The following SNAP29 variants were observed in gnomAD, a reference collection of about 807,000 sequenced individuals.
SNAP29 encodes synaptosomal-associated protein 29.
A neutral mutation model predicts 27.9 loss-of-function variants in SNAP29; 13 were observed. The ratio of observed to expected loss-of-function variants is 0.47; its 90% CI spans 0.30 to 0.74. The LOEUF is 0.74. SNAP29 is among the 30% of genes least tolerant of loss of function. SNAP29 has a pLI of 0.06. For missense variants in SNAP29, 368 were observed against 336.5 expected (o/e 1.09, Z -0.73); for synonymous variants, 119 against 127.1 (o/e 0.94, Z 0.43).
Position 20,887,873 on chromosome 22 carries a change from T to C in SNAP29, c.*37T>C. 6.3e-7 allele frequency: 1 copy of C among 1,599,944 alleles called. No individual in the cohort carries two copies. Among genetic ancestry groups the C allele is most frequent in the Non-Finnish European group, 8.6e-7 (1 of 1,167,610 alleles). ...TTTCCACTCTATTGTGATGAAAAGA[T>C]TTGAAAGATCTTTTTTTGAACTTCC... On this transcript the variant is annotated 3_prime_UTR_variant, in exon 5 of 5. Coordinates refer to ENST00000215730, the MANE Select transcript of SNAP29 (RefSeq NM_004782.4).
At chr22:20,869,935 T>C (rs1928547515) in intron 1 of SNAP29, among the ~76,000 whole-genome samples, 1 of 152,112 alleles carries the variant, frequency 6.6e-6, no homozygotes, top group African/African-American at 2.4e-5. Flanking sequence ...AACACCTGGC[T>C]ACTTTTTGTA....
intron 1 of SNAP29, among the ~76,000 whole-genome samples, chr22:20,869,378 A>G (rs1340640692): frequency 2.0e-5 from 3 of 152,138 alleles, no homozygotes; most frequent in African/African-American, 7.2e-5. Context: ...CCCTAATTGG[A>G]TGAGGGATGA....
intron 4 of SNAP29, among the ~76,000 whole-genome samples, chr22:20,886,231 T>G (rs1286809986): frequency 1.3e-5 from 2 of 151,756 alleles, no homozygotes; most frequent in Non-Finnish European, 2.9e-5. Context: ...CAAGTGATCC[T>G]CCCACCTCAG....
At chr22:20,876,044 C>T (rs1928736226) in intron 2 of SNAP29, among the ~76,000 whole-genome samples, 1 of 151,614 alleles carries the variant, frequency 6.6e-6, no homozygotes, top group African/African-American at 2.4e-5. Flanking sequence ...ACCTGTAGTC[C>T]CAGCTGCTTG....
intron 1 of SNAP29, among the ~76,000 whole-genome samples, chr22:20,868,572 A>AT (rs1050440108): frequency 4.6e-5 from 7 of 151,928 alleles, no homozygotes; most frequent in African/African-American, 1.7e-4. Context: ...GATGTTTAAA[A>AT]TTTTTTTTGA....
intron 4 of SNAP29, 147 bp downstream of exon 4, chr22:20,883,716 C>G: frequency 1.4e-6 from 1 of 708,132 alleles, no homozygotes; most frequent in East Asian, 2.6e-5. Flanking sequence ...CTTGCCACCT[C>G]ACTGTCTCTG....
chr22:20,883,539 G>T lies in SNAP29; in HGVS notation c.589G>T (p.Ala197Ser). 6.2e-7 allele frequency: 1 copy of T among 1,613,374 alleles called. No homozygotes were observed. Among genetic ancestry groups the T allele is most frequent in the South Asian group, 1.1e-5 (1 of 91,066 alleles). ...DAYPKNPHLRAYHQKIDSNLD... is the reference protein window; with the variant it reads ...DAYPKNPHLRSYHQKIDSNLD... ...TTACCCAAAGAACCCACACCTTCGA[G>T]CCTATCACCAGAAGATCGACAGCAA... The change falls in exon 4 of 5, where the codon GCC (alanine) becomes TCC (serine). Residue 197 changes from alanine (A) to serine (S), a missense_variant. Physicochemically the swap from Ala to Ser is moderately conservative, Grantham distance 99. Transcript: ENST00000215730.
intron 3 of SNAP29, among the ~76,000 whole-genome samples, chr22:20,883,237 T>G (rs1928929340): frequency 6.6e-6 from 1 of 152,174 alleles, no homozygotes; most frequent in Non-Finnish European, 1.5e-5. Context: ...TTTGAGGGTG[T>G]TTGATCTCCC....
intron 2 of SNAP29, among the ~76,000 whole-genome samples, chr22:20,875,545 T>C (rs1928719553): frequency 6.6e-6 from 1 of 152,030 alleles, no homozygotes; most frequent in Non-Finnish European, 1.5e-5. Flanking sequence ...GGACCTGACT[T>C]TTTGCAGAAG....
chr22:20,887,393 T>C (rs552547500), intron 4 of SNAP29, among the ~76,000 whole-genome samples: 3 of 152,188 alleles, frequency 2.0e-5, no homozygotes, highest in Admixed American at 2.0e-4. Flanking sequence ...TCCTGGCTGC[T>C]GTTCCTAGTA....
chr22:20,875,957 C>T (rs543170796), intron 2 of SNAP29, among the ~76,000 whole-genome samples: 7 of 151,630 alleles, frequency 4.6e-5, no homozygotes, highest in South Asian at 4.2e-4. Context: ...GTCAGGAGAT[C>T]GAGACCATCC....
intron 3 of SNAP29, among the ~76,000 whole-genome samples, chr22:20,882,289 G>A (rs1378836598): frequency 4.0e-5 from 6 of 151,612 alleles, no homozygotes; most frequent in Non-Finnish European, 5.9e-5. Context: ...AGAAGGAGCA[G>A]CAGCCACATG....
At chr22:20,878,224 C>G (rs961299436) in intron 2 of SNAP29, among the ~76,000 whole-genome samples, 3 of 152,014 alleles carry the variant, frequency 2.0e-5, no homozygotes, top group Admixed American at 6.6e-5. Flanking sequence ...AGAGGCATTG[C>G]CATAATCCTT....
chr22:20,859,376 T>C (rs759057960), intron 1 of SNAP29, 29 bp downstream of exon 1: 4 of 1,448,406 alleles, frequency 2.8e-6, no homozygotes, highest in Admixed American at 1.7e-5. Context: ...TGGTGTGGAC[T>C]CGCCGGTCTC....
chr22:20,859,056 C>A lies in SNAP29; in HGVS notation c.-55C>A, dbSNP rs1928103948. 4.8e-6 allele frequency: 7 copies of A among 1,464,450 alleles called. No homozygotes were observed. Among genetic ancestry groups the A allele is most frequent in the Non-Finnish European group, 5.7e-6 (6 of 1,059,606 alleles). 90.7% of individuals were successfully genotyped at this position (1,464,450 alleles called of 1,614,324 possible). ...GCGGGCGGGGCGAGGCCCTGGACGG[C>A]GGCGGCAGTGGGGCTCCTCCTTCTG... On this transcript the variant is annotated 5_prime_UTR_variant, in exon 1 of 5. Coordinates refer to ENST00000215730, the MANE Select transcript of SNAP29 (RefSeq NM_004782.4).
At position 20,859,365 on chromosome 22, in the gene SNAP29, C is replaced by T; in HGVS notation, c.237+18C>T. 2.7e-6 allele frequency: 4 copies of T among 1,506,012 alleles called. No homozygotes were observed. Among genetic ancestry groups the T allele is most frequent in the Non-Finnish European group, 3.7e-6 (4 of 1,081,228 alleles). The allele number at this position is 1,506,012 out of a possible 1,614,324, so 93.3% of individuals were successfully genotyped here. ...CTTCCGAGGTGAGCCTGGGGCAGGG[C>T]TGGTGTGGACTCGCCGGTCTCTGTG... On this transcript the variant is annotated intron_variant, in intron 1 of 4. Coordinates refer to ENST00000215730, the MANE Select transcript of SNAP29 (RefSeq NM_004782.4).
At chr22:20,873,837 G>A (rs1928654563) in intron 2 of SNAP29, among the ~76,000 whole-genome samples, 1 of 151,496 alleles carries the variant, frequency 6.6e-6, no homozygotes, top group African/African-American at 2.4e-5. Flanking sequence ...GCATGGTGGT[G>A]CCTGCCTGTA....
At chr22:20,875,457 G>T (rs1352830400) in intron 2 of SNAP29, among the ~76,000 whole-genome samples, 2 of 152,190 alleles carry the variant, frequency 1.3e-5, no homozygotes, top group Admixed American at 6.5e-5. Context: ...TATGGGGGAG[G>T]CAGACAGTCC....
At chr22:20,875,156 AG>A (rs1928709340) in intron 2 of SNAP29, among the ~76,000 whole-genome samples, 1 of 152,124 alleles carries the variant, frequency 6.6e-6, no homozygotes, top group Non-Finnish European at 1.5e-5. Context: ...GGCTTCCATC[AG>A]TGAGGCAGCC....
Sources: allele counts gnomAD v4.1 joint callset (sites outside exome capture counted in the v4.1 genomes callset), GRCh38; gene constraint gnomAD v4.1.1; transcripts MANE v1.5; gene names NCBI Gene and HGNC (gene_info 2026-07-23, HGNC 2026-07-21).